PRKG1: variants seen among roughly 807,000 people sequenced by gnomAD.
The protein encoded by PRKG1 is protein kinase cGMP-dependent 1.
In PRKG1, 35 loss-of-function variants were observed where a neutral mutation model predicts 88.1. The observed-to-expected ratio is 0.40, with a 90% CI of 0.30 to 0.53. The LOEUF is 0.53. Ranked by LOEUF, PRKG1 falls within the 20% of genes least tolerant of loss-of-function variation. PRKG1 has a pLI of 0.59. For synonymous variants in PRKG1, 303 were observed against 292.5 expected (o/e 1.04, Z -0.37); for missense variants, 540 against 839.8 (o/e 0.64, Z 4.41).
chr10:51,432,904 T>C (rs2067533), intron 2 of PRKG1, among the ~76,000 whole-genome samples: 2,453 of 152,218 alleles, frequency 0.016, 74 homozygotes, highest in African/African-American at 0.057. Context: ...CCACTCTTTC[T>C]AGGTCTGAAT....
chr10:51,213,995 G>GA (rs1239197491), intron 2 of PRKG1, among the ~76,000 whole-genome samples: 6 of 151,818 alleles, frequency 4.0e-5, no homozygotes, highest in African/African-American at 9.7e-5. Context: ...TAAACAAAAA[G>GA]AAAAAAACAT....
intron 3 of PRKG1, among the ~76,000 whole-genome samples, chr10:51,787,971 G>C (rs897832697): frequency 6.6e-6 from 1 of 152,104 alleles, no homozygotes; most frequent in East Asian, 1.9e-4. Context: ...TGTGTCAACC[G>C]ACCTTTGGGT....
At chr10:51,602,730 A>ATGTG (rs1275713886) in intron 3 of PRKG1, among the ~76,000 whole-genome samples, 488 of 41,798 alleles carry the variant, frequency 0.012, 4 homozygotes, top group African/African-American at 0.047. Flanking sequence ...TGATTAATAT[A>ATGTG]TATGTGTGTG....
At chr10:51,670,564 G>A (rs1457691426) in intron 3 of PRKG1, among the ~76,000 whole-genome samples, 5 of 149,012 alleles carry the variant, frequency 3.4e-5, no homozygotes, top group Non-Finnish European at 6.0e-5. Flanking sequence ...GTGAAACCCC[G>A]TCTCTACTAA....
At chr10:51,705,537 A>G (rs1023321720) in intron 3 of PRKG1, among the ~76,000 whole-genome samples, 42 of 152,236 alleles carry the variant, frequency 2.8e-4, no homozygotes, top group African/African-American at 9.9e-4. Flanking sequence ...TTAACAATGA[A>G]GAAACTCAGA....
At chr10:51,720,376 G>A (rs1484543632) in intron 3 of PRKG1, among the ~76,000 whole-genome samples, 1 of 152,094 alleles carries the variant, frequency 6.6e-6, no homozygotes, top group Non-Finnish European at 1.5e-5. Context: ...TAAAACACCA[G>A]AACATGCTCA....
At chr10:51,511,024 T>C (rs1841386747) in intron 3 of PRKG1, among the ~76,000 whole-genome samples, 1 of 152,050 alleles carries the variant, frequency 6.6e-6, no homozygotes, top group Non-Finnish European at 1.5e-5. Context: ...AGTGCTGGGA[T>C]TACAGGCGTG....
chr10:51,319,626 C>G (rs1841404360), intron 2 of PRKG1, among the ~76,000 whole-genome samples: 1 of 152,218 alleles, frequency 6.6e-6, no homozygotes, highest in African/African-American at 2.4e-5. Flanking sequence ...ATTTATCTCC[C>G]AGGCATCTTT....
chr10:52,000,122 T>TA (rs1185662617), intron 5 of PRKG1, among the ~76,000 whole-genome samples: 1 of 152,058 alleles, frequency 6.6e-6, no homozygotes, highest in East Asian at 1.9e-4. Flanking sequence ...AAATCTCAGA[T>TA]AAAATGCAGT....
intron 2 of PRKG1, among the ~76,000 whole-genome samples, chr10:51,249,381 T>C (rs1839373180): frequency 6.6e-6 from 1 of 151,848 alleles, no homozygotes; most frequent in Admixed American, 6.6e-5. Context: ...TGTGAGAACA[T>C]GTGAATGCCA....
chr10:51,243,532 G>A (rs970500711), intron 2 of PRKG1, among the ~76,000 whole-genome samples: 22 of 152,134 alleles, frequency 1.4e-4, no homozygotes, highest in African/African-American at 2.9e-4. Flanking sequence ...TGGACTCATC[G>A]TCTGTACAGA....
intron 7 of PRKG1, among the ~76,000 whole-genome samples, chr10:52,093,112 C>A (rs576587227): frequency 1.3e-5 from 2 of 152,108 alleles, no homozygotes; most frequent in Non-Finnish European, 2.9e-5. Context: ...GGATGTAGAA[C>A]CACTGTTAGG....
intron 2 of PRKG1, among the ~76,000 whole-genome samples, chr10:51,176,316 CT>C (rs1446342353): frequency 6.6e-6 from 1 of 152,078 alleles, no homozygotes; most frequent in Non-Finnish European, 1.5e-5. Context: ...ACCCTGTTCT[CT>C]TTGATGCATT....
chr10:51,330,300 G>A (rs1020664075), intron 2 of PRKG1, among the ~76,000 whole-genome samples: 14 of 151,450 alleles, frequency 9.2e-5, no homozygotes, highest in South Asian at 2.1e-4. Context: ...GCAGGCATGC[G>A]CAACCATGCC....
At chr10:51,393,261 T>TG (rs1240425381) in intron 2 of PRKG1, among the ~76,000 whole-genome samples, 3 of 140,184 alleles carry the variant, frequency 2.1e-5, no homozygotes, top group African/African-American at 8.2e-5. Flanking sequence ...TCTCAGACGA[T>TG]GGGCTGCTGG....
At chr10:52,278,117 GA>G (rs139686209) in intron 12 of PRKG1, among the ~76,000 whole-genome samples, 3 of 151,484 alleles carry the variant, frequency 2.0e-5, no homozygotes, top group African/African-American at 4.9e-5. Context: ...AAATTTACAA[GA>G]AAAAAAACAG....
At chr10:51,369,752 G>C (rs932141277) in intron 2 of PRKG1, among the ~76,000 whole-genome samples, 1 of 151,892 alleles carries the variant, frequency 6.6e-6, no homozygotes, top group African/African-American at 2.4e-5. Context: ...TTAAATAGAG[G>C]GATTTCCAAG....
chr10:51,930,395 T>C (rs1207625116), intron 5 of PRKG1, among the ~76,000 whole-genome samples: 2 of 152,054 alleles, frequency 1.3e-5, no homozygotes, highest in Admixed American at 6.6e-5. Flanking sequence ...AAATATTATG[T>C]CATGTATATT....
At chr10:51,976,831 A>C (rs1843849402) in intron 5 of PRKG1, among the ~76,000 whole-genome samples, 1 of 152,028 alleles carries the variant, frequency 6.6e-6, no homozygotes, top group African/African-American at 2.4e-5. Context: ...AACGAGAATT[A>C]TATTTTTAAT....
Sources: allele counts gnomAD v4.1 joint callset (sites outside exome capture counted in the v4.1 genomes callset), GRCh38; gene constraint gnomAD v4.1.1; transcripts MANE v1.5; gene names NCBI Gene and HGNC (gene_info 2026-07-23, HGNC 2026-07-21).